Variants in TOP1 observed in about 807,000 individuals in gnomAD.
TOP1 encodes DNA topoisomerase I, also known as DNA topoisomerase 1.
TOP1 carries 10 observed loss-of-function variants against 111.1 expected under a neutral mutation model. The ratio of observed to expected loss-of-function variants is 0.09; its 90% CI spans 0.06 to 0.15. TOP1 has a LOEUF of 0.15. Among genes scored for constraint, TOP1 ranks in the 10% least tolerant of loss-of-function variants. TOP1 has a pLI of 1.00. For missense variants in TOP1, 474 were observed against 926.7 expected (o/e 0.51, Z 6.34); for synonymous variants, 271 against 302.9 (o/e 0.89, Z 1.10).
At chr20:41,119,146 G>A (rs2034380814) in intron 18 of TOP1, among the ~76,000 whole-genome samples, 1 of 152,168 alleles carries the variant, frequency 6.6e-6, no homozygotes. Flanking sequence ...GTCTTGAGGT[G>A]GCCTGTAGTA....
chr20:41,029,175 C>T lies in TOP1; in HGVS notation c.33+75C>T. On this transcript the variant is annotated intron_variant, in intron 1 of 20. Coordinates refer to ENST00000361337, the MANE Select transcript of TOP1 (RefSeq NM_003286.4). The surrounding 1 kb of genome is among the most constrained non-coding windows in gnomAD (Gnocchi z 6.1). ...CGCGACCCCCGGCGCAGGCCCCGAC[C>T]CCAGCCCCGGCCCGGCAGCTTTGAC... 1 of 1,190,642 alleles carries T rather than the reference C, an allele frequency of 8.4e-7. No homozygotes were observed. Among genetic ancestry groups the T allele is most frequent in the Non-Finnish European group, 1.1e-6 (1 of 906,654 alleles). 73.8% of individuals were successfully genotyped at this position (1,190,642 alleles called of 1,614,324 possible).
At chr20:41,062,015 G>A (rs1041560265) in intron 3 of TOP1, among the ~76,000 whole-genome samples, 1 of 152,134 alleles carries the variant, frequency 6.6e-6, no homozygotes, top group Admixed American at 6.5e-5. Context: ...TCCCACAAAA[G>A]CCTACAATCA....
At chr20:41,063,399 A>G (rs535570156) in intron 3 of TOP1, among the ~76,000 whole-genome samples, 2 of 152,214 alleles carry the variant, frequency 1.3e-5, no homozygotes, top group Non-Finnish European at 2.9e-5. Context: ...TGCAGTGAAC[A>G]TGTGTGTACA....
intron 13 of TOP1, among the ~76,000 whole-genome samples, chr20:41,111,412 T>C (rs1185337878): frequency 6.6e-6 from 1 of 152,224 alleles, no homozygotes; most frequent in Non-Finnish European, 1.5e-5. Flanking sequence ...CTGAAACTCT[T>C]GTAGCCAAAC....
intron 13 of TOP1, among the ~76,000 whole-genome samples, chr20:41,105,772 G>A (rs959839454): frequency 1.3e-5 from 2 of 152,208 alleles, no homozygotes; most frequent in African/African-American, 4.8e-5. Flanking sequence ...TGGGATTACA[G>A]GTGTTAGCCA....
At chr20:41,065,411 G>A (rs1224249652) in intron 3 of TOP1, among the ~76,000 whole-genome samples, 1 of 152,058 alleles carries the variant, frequency 6.6e-6, no homozygotes, top group Non-Finnish European at 1.5e-5. Context: ...ATTGTGTGTG[G>A]TAAAATAAAC....
In TOP1 at chr20:41,121,716, G is replaced by A. The variant is rs2145973549; in HGVS notation, c.1971G>A (p.Gln657=). The change falls in exon 19 of 21, where the codon CAG becomes CAA. Residue 657 remains glutamine (Q), a synonymous_variant. Coordinates refer to ENST00000361337, the MANE Select transcript of TOP1 (RefSeq NM_003286.4). The surrounding 1 kb of genome is among the most constrained non-coding windows in gnomAD (Gnocchi z 4.2). ...CCTAGATTGATGCCAAGAAGGAACAGCTAGCAGATGCCCGGAGAGACCTGA... is the reference window on the plus strand; with the variant it reads ...CCTAGATTGATGCCAAGAAGGAACAACTAGCAGATGCCCGGAGAGACCTGA... ...LQTKIDAKKE[Q]LADARRDLKS... 1 of 1,614,104 alleles carries A rather than the reference G, an allele frequency of 6.2e-7. No homozygotes were observed. Among genetic ancestry groups the A allele is most frequent in the Non-Finnish European group, 8.5e-7 (1 of 1,179,938 alleles).
intron 2 of TOP1, among the ~76,000 whole-genome samples, chr20:41,031,730 G>C (rs2122581698): frequency 6.6e-6 from 1 of 152,320 alleles, no homozygotes; most frequent in Admixed American, 6.5e-5. Flanking sequence ...CAAGGGCTGT[G>C]AGTTGGCCAC....
At chr20:41,031,483 C>T (rs1268915648) in intron 2 of TOP1, among the ~76,000 whole-genome samples, 1 of 152,216 alleles carries the variant, frequency 6.6e-6, no homozygotes, top group Non-Finnish European at 1.5e-5. Flanking sequence ...TCTTTACTGA[C>T]ATTTTTATAG....
chr20:41,075,202 C>T (rs2033712200), intron 3 of TOP1, among the ~76,000 whole-genome samples: 1 of 152,110 alleles, frequency 6.6e-6, no homozygotes, highest in Non-Finnish European at 1.5e-5. Flanking sequence ...GGCAGAGTCT[C>T]GCTCTTTCGC....
At position 41,077,571 on chromosome 20, in the gene TOP1, T is replaced by C. The variant is rs1221046723; in HGVS notation, c.280-11T>C. 1.2e-6 allele frequency: 2 copies of C among 1,613,632 alleles called. No individual in the cohort carries two copies. The highest frequency in any genetic ancestry group is 1.7e-6 in the Non-Finnish European group (2 of 1,179,480). Reference sequence around the variant, plus strand: ...TTTCAAGGTACTAGTTACTGTTGTTTTACTTTTCAGGTTCGAGCCTCTGGG... The same window carrying C: ...TTTCAAGGTACTAGTTACTGTTGTTCTACTTTTCAGGTTCGAGCCTCTGGG... On this transcript the variant is annotated splice_polypyrimidine_tract_variant and intron_variant, in intron 4 of 20. Transcript: ENST00000361337.
At chr20:41,049,532 A>C (rs1568675344) in intron 2 of TOP1, among the ~76,000 whole-genome samples, 4 of 152,212 alleles carry the variant, frequency 2.6e-5, no homozygotes, top group Non-Finnish European at 5.9e-5. Flanking sequence ...GTAACATTAG[A>C]GGCTGATTCT....
intron 2 of TOP1, among the ~76,000 whole-genome samples, chr20:41,031,395 C>G (rs995531243): frequency 6.6e-6 from 1 of 152,152 alleles, no homozygotes; most frequent in Non-Finnish European, 1.5e-5. Flanking sequence ...CAAAGTTTAG[C>G]CCTTTCTTGT....
chr20:41,038,544 G>T (rs1208236725), intron 2 of TOP1, among the ~76,000 whole-genome samples: 6 of 152,150 alleles, frequency 3.9e-5, no homozygotes, highest in African/African-American at 1.4e-4. Flanking sequence ...AGGGAGCATT[G>T]AGTATGATAC....
chr20:41,049,385 C>T (rs993526305), intron 2 of TOP1, among the ~76,000 whole-genome samples: 8 of 152,154 alleles, frequency 5.3e-5, no homozygotes, highest in South Asian at 2.1e-4. Context: ...TCTAAGTTTC[C>T]GATGGTATTT....
chr20:41,107,593 A>T (rs2034167330), intron 13 of TOP1, among the ~76,000 whole-genome samples: 1 of 152,072 alleles, frequency 6.6e-6, no homozygotes, highest in Admixed American at 6.5e-5. Context: ...TTATAATTTC[A>T]TGTTCTTTCT....
intron 8 of TOP1, 92 bp downstream of exon 8, chr20:41,084,660 TA>T: frequency 1.4e-6 from 1 of 708,852 alleles, no homozygotes; most frequent in South Asian, 2.6e-5. Context: ...AATATCCTGA[TA>T]TTTGGGGGGA....
At position 41,118,335 on chromosome 20, in the gene TOP1, G is replaced by A. The variant is rs755524453; in HGVS notation, c.1950+39G>A. ...AATGAAGGGAACTGTGTCTGCTGTGGGCAGATTATCTGCGAATGAGAGGAT... is the reference window on the plus strand; with the variant it reads ...AATGAAGGGAACTGTGTCTGCTGTGAGCAGATTATCTGCGAATGAGAGGAT... On this transcript the variant is annotated intron_variant, in intron 18 of 20. Coordinates refer to ENST00000361337, the MANE Select transcript of TOP1 (RefSeq NM_003286.4). The surrounding 1 kb of genome is among the most constrained non-coding windows in gnomAD (Gnocchi z 4.6). 3 of 1,607,978 alleles carry A rather than the reference G, an allele frequency of 1.9e-6. No individual in the cohort carries two copies. The highest frequency in any genetic ancestry group is 2.6e-6 in the Non-Finnish European group (3 of 1,175,482).
rs753466707 is a variant in TOP1 at position 41,081,227 on chromosome 20, T to C, written c.494T>C (p.Leu165Pro). 1 of 1,605,502 alleles carries C rather than the reference T, an allele frequency of 6.2e-7. No individual in the cohort carries two copies. The highest frequency in any genetic ancestry group is 1.1e-5 in the South Asian group (1 of 90,420). ...ACCAAGAAGGAGAAGAAAAGAAAAC[T>C]AGAAGAAGAAGAGGTTAGTAAAGAG... ...EDTKKEKKRK[L>P]EEEEDGKLKK... Residue 165 changes from leucine to proline, a missense_variant, in exon 7 of 21, where the codon CTA becomes CCA. This residue lies in a region of TOP1 where 185 missense variants were observed against 226.3 expected (regional missense o/e 0.82). Transcript: ENST00000361337.
Sources: allele counts gnomAD v4.1 joint callset (sites outside exome capture counted in the v4.1 genomes callset), GRCh38; gene constraint gnomAD v4.1.1; regional missense constraint gnomAD v4.1.1; non-coding constraint Gnocchi (gnomAD v3.1); transcripts MANE v1.5; gene names NCBI Gene and HGNC (gene_info 2026-07-23, HGNC 2026-07-21).